NCSTN: variants seen among roughly 807,000 people sequenced by gnomAD.
NCSTN encodes anterior pharynx-defective 2.
A neutral mutation model predicts 87.0 loss-of-function variants in NCSTN; 22 were observed. The ratio of observed to expected loss-of-function variants is 0.25; its 90% CI spans 0.18 to 0.36. The LOEUF is 0.36. Among genes scored for constraint, NCSTN ranks in the 10% least tolerant of loss-of-function variants. The pLI, the probability that NCSTN is intolerant of heterozygous loss-of-function variation, is 1.00. For synonymous variants in NCSTN, 306 were observed against 327.1 expected, an observed-to-expected ratio of 0.94 and a Z score of 0.69; for missense variants, 693 against 883.3, an observed-to-expected ratio of 0.78 and a Z score of 2.73.
At chr1:160,344,936 T>C in intron 2 of NCSTN, 110 bp downstream of exon 2, 1 of 892,470 alleles carries the variant, frequency 1.1e-6, no homozygotes, top group Non-Finnish European at 1.8e-6. Context: ...TTGGACTGTA[T>C]GTAGGCAGTT....
intron 2 of NCSTN, chr1:160,345,062 A>G (rs1648393332): frequency 1.7e-6 from 1 of 596,058 alleles, no homozygotes; most frequent in Non-Finnish European, 3.0e-6. Flanking sequence ...ACAACCCCAC[A>G]AAATAGGTCT....
In NCSTN at chr1:160,344,778, G is replaced by T. The variant is rs775651944; in HGVS notation, c.142G>T (p.Ala48Ser). ...RKIYIPLNKT[A>S]PCVRLLNATH... ...GATATATATCCCCTTAAATAAAACA[G>T]CTCCCTGTGTTCGCCTGCTCAACGC... The change falls in exon 2 of 17, where the codon GCT becomes TCT. Residue 48 changes from alanine (A) to serine (S), a missense_variant. By Grantham distance (99) the Ala-to-Ser change is moderately conservative. Transcript: ENST00000294785. The T allele has an allele frequency of 5.6e-6, 9 of 1,613,988 alleles. No homozygotes were observed. The Admixed American group carries it at 1.5e-4, about 27-fold the overall frequency.
intron 11 of NCSTN, among the ~76,000 whole-genome samples, chr1:160,355,321 C>T (rs6427515): frequency 0.22 from 34,214 of 152,164 alleles, 8,312 homozygotes; most frequent in African/African-American, 0.61. Context: ...TCTCATGATA[C>T]ATGGCAGAGT....
At chr1:160,343,778 C>T (rs1404727928) in intron 1 of NCSTN, 2 of 648,246 alleles carry the variant, frequency 3.1e-6, no homozygotes, top group Non-Finnish European at 5.9e-6. Context: ...ACCCCAGCCA[C>T]CCACCCCACA....
intron 2 of NCSTN, among the ~76,000 whole-genome samples, chr1:160,347,448 A>T (rs1648560108): frequency 6.6e-6 from 1 of 152,180 alleles, no homozygotes. Context: ...CTGTCCCCAC[A>T]GTATGAGATG....
chr1:160,348,049 G>A (rs1236508755), intron 2 of NCSTN, among the ~76,000 whole-genome samples: 1 of 152,270 alleles, frequency 6.6e-6, no homozygotes, highest in Non-Finnish European at 1.5e-5. Flanking sequence ...TTAAAGTGAT[G>A]CTGATATACA....
rs946523529 is a variant in NCSTN, at chr1:160,352,604, C to T, written c.997-283C>T. Reference sequence around the variant, plus strand: ...GGCTGAGTCACTGGAGGTGGGGGACCGTTAAGAATCAGACACATAATAGCT... The same window carrying T: ...GGCTGAGTCACTGGAGGTGGGGGACTGTTAAGAATCAGACACATAATAGCT... On this transcript the variant is annotated intron_variant, in intron 8 of 16. Coordinates refer to ENST00000294785, the MANE Select transcript of NCSTN (RefSeq NM_015331.3). 3.9e-5 allele frequency among the ~76,000 whole-genome samples: 6 copies of T among 152,166 alleles called. No individual in the cohort carries two copies. The South Asian group carries it at 1.0e-3, about 26-fold the overall frequency.
At chr1:160,349,814 T>C in intron 4 of NCSTN, 144 bp downstream of exon 4, 2 of 1,264,392 alleles carry the variant, frequency 1.6e-6, no homozygotes, top group Non-Finnish European at 1.1e-6. Flanking sequence ...GTAGTGTTTA[T>C]TTGTCTTTGC....
At position 160,358,500 on chromosome 1, in the gene NCSTN, A is replaced by G; in HGVS notation, c.*229A>G. ...CTTCCCCATTTCCTCTTCCTTCTCT[A>G]CTCATGCCAGATTTTGGGATTACAA... On this transcript the variant is annotated 3_prime_UTR_variant, in exon 17 of 17. Transcript: ENST00000294785. The G allele has an allele frequency of 1.7e-6, 1 of 585,738 alleles. No homozygotes were observed. Among genetic ancestry groups the G allele is most frequent in the South Asian group, 2.0e-5 (1 of 51,274 alleles). 36.3% of individuals were successfully genotyped at this position (585,738 alleles called of 1,614,324 possible).
rs919548905 is a variant in NCSTN, at chr1:160,357,121, A to G, written c.1875A>G (p.Ala625=). Residue 625 remains alanine (A), a synonymous_variant, in exon 16 of 17, where the codon GCA becomes GCG. Coordinates refer to ENST00000294785, the MANE Select transcript of NCSTN (RefSeq NM_015331.3). The part of the protein sequence containing the change: ...DRLPRCVRST[A]RLARALSPAF... ...TCCCCCGGTGTGTGCGTTCTACTGC[A>G]CGATTAGCCAGGGCCTTGTCTCCTG... 7.4e-6 allele frequency: 12 copies of G among 1,614,044 alleles called. No individual in the cohort carries two copies. The highest frequency in any genetic ancestry group is 1.0e-5 in the Non-Finnish European group (12 of 1,180,034).
At chr1:160,351,142 ACTGGGCCCTCCTCCTT>A in intron 5 of NCSTN, 64 bp from the exon 6 acceptor site, 1 of 1,465,232 alleles carries the variant, frequency 6.8e-7, no homozygotes, top group Non-Finnish European at 9.6e-7. Context: ...AAAGGATGGA[ACTGGGCCCTCCTCCTT>A]CTGGGATGTA....
chr1:160,356,367 A>T lies in NCSTN; in HGVS notation c.1639+20A>T. The stretch of plus-strand genomic sequence containing the variant: ...ACTTGGGTAAGCATCTGGTGTGGGA[A>T]TGGGACCCTTAGCTGAGGAAAGGGA... On this transcript the variant is annotated intron_variant, in intron 14 of 16. Transcript: ENST00000294785. 6.4e-7 allele frequency: 1 copy of T among 1,566,138 alleles called. No individual in the cohort carries two copies. The highest frequency in any genetic ancestry group is 8.8e-7 in the Non-Finnish European group (1 of 1,136,346).
chr1:160,348,277 A>G (rs547258317), intron 2 of NCSTN, among the ~76,000 whole-genome samples: 1 of 152,326 alleles, frequency 6.6e-6, no homozygotes, highest in South Asian at 2.1e-4. Context: ...TTATCATGTC[A>G]TGAGACACAT....
At chr1:160,355,226 C>A (rs1649065118) in intron 11 of NCSTN, among the ~76,000 whole-genome samples, 1 of 152,164 alleles carries the variant, frequency 6.6e-6, no homozygotes, top group African/African-American at 2.4e-5. Context: ...TATCAGTGAG[C>A]AGACCTGATC....
chr1:160,352,800 C>G (rs1005664501), intron 8 of NCSTN, 87 bp from the exon 9 acceptor site: 6 of 1,023,764 alleles, frequency 5.9e-6, no homozygotes, highest in Non-Finnish European at 9.2e-6. Context: ...GTCGTCTTAC[C>G]TACAGCTTTG....
intron 16 of NCSTN, among the ~76,000 whole-genome samples, chr1:160,357,540 G>A (rs1273332444): frequency 6.6e-6 from 1 of 152,198 alleles, no homozygotes; most frequent in African/African-American, 2.4e-5. Flanking sequence ...GAGTAGCTGG[G>A]ATTACAGGCA....
At chr1:160,353,472 T>C in intron 10 of NCSTN, 2 of 1,413,542 alleles carry the variant, frequency 1.4e-6, no homozygotes, top group Non-Finnish European at 1.8e-6. Flanking sequence ...ATTTGTTGCC[T>C]AGCAGACTAC....
At position 160,349,672 on chromosome 1, in the gene NCSTN, T is replaced by TA. The variant is rs778225045; in HGVS notation, c.436+4dup. The TA allele has an allele frequency of 1.9e-6, 3 of 1,613,730 alleles. No homozygotes were observed. The highest frequency in any genetic ancestry group is 2.5e-6 in the Non-Finnish European group (3 of 1,180,024). ...TACAGTGCCCAAATGATGGGTTTGG[T>TA]AAGTGTCCCAAAGGATCAGGAGAGC... On this transcript the variant is annotated splice_region_variant and intron_variant, in intron 4 of 16. Transcript: ENST00000294785.
In NCSTN at chr1:160,350,088, C is replaced by T. The variant is rs762625790; in HGVS notation, c.437-17C>T. On this transcript the variant is annotated splice_polypyrimidine_tract_variant and intron_variant, in intron 4 of 16. Transcript: ENST00000294785. ...GTCCCAGTAACCAGTCCCCCTATTC[C>T]CCATCCTTCCCTTCAGGTGTTTACT... The T allele has an allele frequency of 3.7e-6, 6 of 1,613,504 alleles. No individual in the cohort carries two copies. In the African/African-American group the frequency reaches 8.0e-5, roughly 22 times the overall value.
Sources: allele counts gnomAD v4.1 joint callset (sites outside exome capture counted in the v4.1 genomes callset), GRCh38; gene constraint gnomAD v4.1.1; transcripts MANE v1.5; gene names NCBI Gene and HGNC (gene_info 2026-07-23, HGNC 2026-07-21).